SCAMP1: variants seen among roughly 807,000 people sequenced by gnomAD.
SCAMP1 encodes the protein secretory carrier-associated membrane protein 1.
Under a neutral mutation model 41.8 loss-of-function variants are expected in SCAMP1, and 15 were observed. The observed-to-expected ratio is 0.36, with a 90% confidence interval of 0.24 to 0.55. SCAMP1 has a LOEUF of 0.55. SCAMP1 is among the 20% of genes least tolerant of loss of function. The probability of loss-of-function intolerance (pLI) is 0.86; values close to 1 mark genes in which losing one functional copy is unlikely to be tolerated. For synonymous variants in SCAMP1, 135 were observed against 136.8 expected, an observed-to-expected ratio of 0.99 and a Z score of 0.09; for missense variants, 341 against 412.6, an observed-to-expected ratio of 0.83 and a Z score of 1.50.
intron 2 of SCAMP1, among the ~76,000 whole-genome samples, chr5:78,397,902 C>A (rs1052211802): frequency 1.3e-5 from 2 of 152,204 alleles, no homozygotes; most frequent in African/African-American, 2.4e-5. Context: ...AGGAGGATAC[C>A]ACTTCACATC....
intron 1 of SCAMP1, among the ~76,000 whole-genome samples, chr5:78,368,425 T>A (rs145916479): frequency 3.3e-5 from 5 of 152,340 alleles, no homozygotes; most frequent in African/African-American, 1.2e-4. Flanking sequence ...CAAAAGTTTT[T>A]TTTGGACTAT....
intron 6 of SCAMP1, among the ~76,000 whole-genome samples, chr5:78,444,362 G>A (rs893160588): frequency 6.6e-6 from 1 of 152,198 alleles, no homozygotes; most frequent in African/African-American, 2.4e-5. Flanking sequence ...AGGAGCAAAG[G>A]TATGTCTTAC....
At chr5:78,423,010 G>A (rs906401023) in intron 6 of SCAMP1, among the ~76,000 whole-genome samples, 6 of 34,594 alleles carry the variant, frequency 1.7e-4, no homozygotes, top group African/African-American at 7.8e-4. Context: ...TAACACACGC[G>A]CGCGCGCACA....
At chr5:78,386,919 A>T (rs1237879784) in intron 1 of SCAMP1, among the ~76,000 whole-genome samples, 1 of 152,148 alleles carries the variant, frequency 6.6e-6, no homozygotes, top group Non-Finnish European at 1.5e-5. Context: ...AGATAACCTG[A>T]TGACTATGTG....
intron 7 of SCAMP1, among the ~76,000 whole-genome samples, chr5:78,452,234 G>A (rs538141197): frequency 7.4e-4 from 111 of 149,060 alleles, no homozygotes; most frequent in African/African-American, 2.6e-3. Flanking sequence ...TGCACATTGT[G>A]CAGGTTAGTT....
intron 1 of SCAMP1, among the ~76,000 whole-genome samples, chr5:78,367,747 C>T (rs910944170): frequency 3.9e-5 from 6 of 152,180 alleles, no homozygotes; most frequent in Non-Finnish European, 8.8e-5. Flanking sequence ...CTTCACTAGA[C>T]ACTCCCATTC....
rs998663719 is a variant in SCAMP1 at position 78,456,450 on chromosome 5, G to A, written c.735-2795G>A. Among the ~76,000 whole-genome samples the A allele has an allele frequency of 3.3e-5, 5 of 152,034 alleles. No homozygotes were observed. In the South Asian group the frequency reaches 8.3e-4, roughly 25 times the overall value. ...ATTTCTCCTTCACTTATGAAGTTTA[G>A]TTTGGCTGGATATGAAATTCTGGGT... On this transcript the variant is annotated intron_variant, in intron 7 of 8. Coordinates refer to ENST00000621999, the MANE Select transcript of SCAMP1 (RefSeq NM_004866.6).
chr5:78,423,831 T>C (rs1277228070), intron 6 of SCAMP1, among the ~76,000 whole-genome samples: 2 of 146,220 alleles, frequency 1.4e-5, no homozygotes, highest in Non-Finnish European at 3.0e-5. Context: ...CTGTGCAGAG[T>C]AGAAATGAGA....
At chr5:78,403,200 A>T (rs1273192039) in intron 2 of SCAMP1, among the ~76,000 whole-genome samples, 1 of 152,132 alleles carries the variant, frequency 6.6e-6, no homozygotes, top group Admixed American at 6.5e-5. Context: ...AACATTTTAT[A>T]TGATTATAAT....
chr5:78,429,719 T>C (rs1752556204), intron 6 of SCAMP1, among the ~76,000 whole-genome samples: 2 of 152,110 alleles, frequency 1.3e-5, no homozygotes, highest in South Asian at 4.1e-4. Context: ...CAGTTTGTTA[T>C]GTTGTGTGCC....
intron 8 of SCAMP1, among the ~76,000 whole-genome samples, chr5:78,473,286 C>T (rs561387821): frequency 6.6e-6 from 1 of 152,138 alleles, no homozygotes; most frequent in Non-Finnish European, 1.5e-5. Flanking sequence ...TTATTTTTGT[C>T]TTGTACCGTG....
intron 7 of SCAMP1, among the ~76,000 whole-genome samples, chr5:78,455,503 A>T (rs1202342195): frequency 2.3e-5 from 3 of 130,092 alleles, no homozygotes; most frequent in Admixed American, 7.3e-5. Context: ...TTTGAGTGAG[A>T]TTCTTAATCC....
chr5:78,416,894 A>G (rs1752223899), intron 4 of SCAMP1, among the ~76,000 whole-genome samples: 1 of 152,176 alleles, frequency 6.6e-6, no homozygotes. Context: ...ATGAATGTGA[A>G]TATGATAATT....
chr5:78,424,103 G>T (rs988519213), intron 6 of SCAMP1, among the ~76,000 whole-genome samples: 3 of 152,006 alleles, frequency 2.0e-5, no homozygotes, highest in African/African-American at 7.2e-5. Flanking sequence ...CTTGGCCTCT[G>T]CCCACCTCGG....
intron 7 of SCAMP1, among the ~76,000 whole-genome samples, chr5:78,454,131 G>T (rs868373793): frequency 2.0e-5 from 3 of 152,246 alleles, no homozygotes; most frequent in South Asian, 2.1e-4. Flanking sequence ...TCTGCAAACA[G>T]GGACAATTTG....
chr5:78,410,130 T>TC (rs1332466162), intron 2 of SCAMP1, among the ~76,000 whole-genome samples: 2 of 151,866 alleles, frequency 1.3e-5, no homozygotes, highest in Admixed American at 1.3e-4. Context: ...TTTTTTTTTT[T>TC]TCCAACTTTT....
intron 7 of SCAMP1, among the ~76,000 whole-genome samples, chr5:78,458,583 A>G (rs1753495777): frequency 6.6e-6 from 1 of 152,224 alleles, no homozygotes; most frequent in Admixed American, 6.5e-5. Flanking sequence ...GAAAATAAAC[A>G]TTTAAAAAAA....
chr5:78,416,248 A>G (rs1752205775), intron 3 of SCAMP1, among the ~76,000 whole-genome samples: 2 of 152,150 alleles, frequency 1.3e-5, no homozygotes, highest in Non-Finnish European at 2.9e-5. Flanking sequence ...CATAGAGGTC[A>G]TCTTAATTTC....
chr5:78,365,030 C>G (rs114146696), intron 1 of SCAMP1, among the ~76,000 whole-genome samples: 1 of 152,018 alleles, frequency 6.6e-6, no homozygotes, highest in Non-Finnish European at 1.5e-5. Context: ...AAGAAAGACT[C>G]AGTTTACTAT....
Sources: gnomAD v4.1 joint callset for allele counts (sites outside exome capture counted in the v4.1 genomes callset) on GRCh38, gnomAD v4.1.1 for gene constraint, MANE v1.5 for transcripts, NCBI Gene and HGNC (gene_info 2026-07-23, HGNC 2026-07-21) for gene names.